DRAM1: variants seen among roughly 807,000 people sequenced by gnomAD.
DRAM1 encodes the protein DNA damage regulated autophagy modulator 1.
DRAM1 carries 25 observed loss-of-function variants against 28.5 expected under a neutral mutation model. The ratio of observed to expected loss-of-function variants is 0.88; its 90% CI spans 0.64 to 1.23. The LOEUF (loss-of-function observed/expected upper bound fraction) is 1.23, where lower values mean the gene tolerates loss of function less well. DRAM1 is among the 50% of genes most tolerant of loss of function. The pLI is 0.00. For missense variants in DRAM1, 249 were observed against 299.2 expected, an observed-to-expected ratio of 0.83 and a Z score of 1.24; for synonymous variants, 113 against 114.2, an observed-to-expected ratio of 0.99 and a Z score of 0.07.
At chr12:101,882,905 G>T (rs1872741073) in intron 1 of DRAM1, among the ~76,000 whole-genome samples, 1 of 133,772 alleles carries the variant, frequency 7.5e-6, no homozygotes, top group Admixed American at 8.6e-5. Context: ...TGGCATTTCT[G>T]CAGAGTTACT....
intron 1 of DRAM1, among the ~76,000 whole-genome samples, chr12:101,890,584 C>G (rs1873079530): frequency 2.0e-5 from 3 of 152,226 alleles, no homozygotes; most frequent in Admixed American, 2.0e-4. Flanking sequence ...TCAAAACATC[C>G]TTTAAAAACA....
rs199653726 is a variant in DRAM1, at chr12:101,877,901, C to G, written c.112C>G (p.Pro38Ala). The change falls in exon 1 of 7, where the codon CCC becomes GCC. Residue 38 changes from proline to alanine, a missense_variant. Transcript: ENST00000258534. The surrounding 1 kb of genome is among the most constrained non-coding windows in gnomAD (Gnocchi z 4.1). ...CGCCGTGCTCTCCGGGCACGTCAAC[C>G]CCTTCCTCCCGTATATCAGGTGAGT... ...VVAVLSGHVN[P>A]FLPYISDTGT... is the part of the protein sequence containing the mutation. The G allele has an allele frequency of 6.5e-7, 1 of 1,538,480 alleles. No individual in the cohort carries two copies. Among genetic ancestry groups the G allele is most frequent in the Non-Finnish European group, 8.8e-7 (1 of 1,139,214 alleles).
In DRAM1 at chr12:101,912,532, C is replaced by T. The variant is rs60138017; in HGVS notation, c.521-1642C>T. Among the ~76,000 whole-genome samples the T allele has an allele frequency of 0.019, 2,962 of 152,160 alleles. 228 individuals are homozygous for T. In the East Asian group the frequency reaches 0.24, roughly 12 times the overall value. On this transcript the variant is annotated intron_variant, in intron 4 of 6. Transcript: ENST00000258534. ...GAAGATGGAGCTAAGAATAAATAAA[C>T]GAAATAATTAAGAGGCTTTTAAACT... is the stretch of plus-strand genomic sequence containing the variant.
At chr12:101,894,268 C>T (rs146947450) in intron 1 of DRAM1, among the ~76,000 whole-genome samples, 9 of 152,238 alleles carry the variant, frequency 5.9e-5, no homozygotes, top group African/African-American at 1.9e-4. Context: ...CAGGCATGCA[C>T]CACTATGCCT....
chr12:101,911,823 G>T (rs1294956453), intron 4 of DRAM1, among the ~76,000 whole-genome samples: 2 of 152,212 alleles, frequency 1.3e-5, no homozygotes, highest in East Asian at 3.9e-4. Context: ...GATGTATGTT[G>T]TTTATCAATA....
chr12:101,892,821 A>G (rs1458389155), intron 1 of DRAM1, among the ~76,000 whole-genome samples: 1 of 152,218 alleles, frequency 6.6e-6, no homozygotes, highest in Non-Finnish European at 1.5e-5. Context: ...TAGATTTGGG[A>G]ATTTGTGACT....
intron 3 of DRAM1, among the ~76,000 whole-genome samples, chr12:101,905,769 A>ATTTATTTATTTG (rs1873780054): frequency 6.7e-6 from 1 of 149,170 alleles, no homozygotes; most frequent in Admixed American, 6.7e-5. Context: ...TTATTTATTT[A>ATTTATTTATTTG]TTTATTTATT....
intron 1 of DRAM1, among the ~76,000 whole-genome samples, chr12:101,897,139 AAAT>A (rs1873407230): frequency 6.6e-6 from 1 of 152,104 alleles, no homozygotes; most frequent in Non-Finnish European, 1.5e-5. Flanking sequence ...AATTATTAGA[AAAT>A]AAAGTGATGT....
At chr12:101,906,097 T>C (rs923954926) in intron 3 of DRAM1, among the ~76,000 whole-genome samples, 5 of 152,186 alleles carry the variant, frequency 3.3e-5, no homozygotes, top group Non-Finnish European at 7.3e-5. Flanking sequence ...CCATGCAAGG[T>C]ATCTTAGGTA....
At chr12:101,893,636 T>G (rs543715182) in intron 1 of DRAM1, among the ~76,000 whole-genome samples, 142 of 152,304 alleles carry the variant, frequency 9.3e-4, no homozygotes, top group East Asian at 7.7e-4. Context: ...ATACCCAATT[T>G]CCTACTTTGT....
chr12:101,882,311 C>T (rs1391027430), intron 1 of DRAM1, among the ~76,000 whole-genome samples: 2 of 150,608 alleles, frequency 1.3e-5, no homozygotes, highest in Non-Finnish European at 2.9e-5. Context: ...GGGGTTTCAC[C>T]ATGTTAGTCA....
intron 1 of DRAM1, among the ~76,000 whole-genome samples, chr12:101,882,084 T>C (rs1268824741): frequency 6.6e-6 from 1 of 151,782 alleles, no homozygotes; most frequent in East Asian, 1.9e-4. Context: ...ATTCTAACAT[T>C]GTTCAGTCAT....
rs188012763 is a variant in DRAM1 at position 101,915,709 on chromosome 12, G to A, written c.579+1477G>A. 3.0e-3 allele frequency among the ~76,000 whole-genome samples: 451 copies of A among 151,894 alleles called. 16 individuals carry two copies. Among genetic ancestry groups the A allele is most frequent in the Admixed American group, 0.029 (437 of 15,226 alleles). ...AGGCACTAGCTGGGATTACAGGCGT[G>A]CACCACCATGCCCAGCTAGTTTTTG... is the stretch of plus-strand genomic sequence containing the variant. On this transcript the variant is annotated intron_variant, in intron 5 of 6. Transcript: ENST00000258534.
chr12:101,917,252 A>C (rs1874280773), intron 5 of DRAM1, among the ~76,000 whole-genome samples: 1 of 152,208 alleles, frequency 6.6e-6, no homozygotes, highest in African/African-American at 2.4e-5. Context: ...TGGAGGTAAG[A>C]GGTAAAGGAG....
At chr12:101,909,885 A>G (rs983500723) in intron 4 of DRAM1, among the ~76,000 whole-genome samples, 1 of 152,236 alleles carries the variant, frequency 6.6e-6, no homozygotes, top group South Asian at 2.1e-4. Flanking sequence ...CATATCAGAG[A>G]AAGCTTCAGG....
chr12:101,882,107 A>ATTTTTTTTTTTT (rs78402038), intron 1 of DRAM1, among the ~76,000 whole-genome samples: 6 of 129,530 alleles, frequency 4.6e-5, no homozygotes, highest in Non-Finnish European at 8.4e-5. Flanking sequence ...TGATGGTCTA[A>ATTTTTTTTTTTT]TTTTTTTTTT....
intron 1 of DRAM1, among the ~76,000 whole-genome samples, chr12:101,881,912 G>A (rs914602302): frequency 1.5e-4 from 23 of 152,192 alleles, no homozygotes; most frequent in African/African-American, 5.5e-4. Context: ...GTCCATGAAA[G>A]CTCTCAATAT....
Position 101,877,756 on chromosome 12 carries a change from G to A in DRAM1, c.-34G>A, listed in dbSNP as rs1463179205. ...AGCAACCCGGCGCCCGGCCCCGCTG[G>A]GCGCAGCACTCCGTCGGCGGCGGCG... is the stretch of plus-strand genomic sequence containing the variant. On this transcript the variant is annotated 5_prime_UTR_variant, in exon 1 of 7. Transcript: ENST00000258534. This position sits in a 1 kb window ranked among gnomAD's most constrained non-coding sequence, Gnocchi z 4.1. 7.0e-7 allele frequency: 1 copy of A among 1,432,082 alleles called. No individual in the cohort carries two copies. The highest frequency in any genetic ancestry group is 9.2e-7 in the Non-Finnish European group (1 of 1,086,776). The allele number at this position is 1,432,082 out of a possible 1,614,324, so 88.7% of individuals were successfully genotyped here.
Position 101,922,609 on chromosome 12 carries a change from C to T in DRAM1, c.*1349C>T, listed in dbSNP as rs1874525317. The T allele has an allele frequency of 6.6e-6, 1 of 152,194 alleles. No individual in the cohort carries two copies. Among genetic ancestry groups the T allele is most frequent in the Non-Finnish European group, 1.5e-5 (1 of 68,050 alleles). The allele number at this position is 152,194 out of a possible 1,614,324, so 9.4% of individuals were successfully genotyped here. A position where few individuals can be genotyped will look rare whatever the true frequency, so the allele number is the denominator to read the frequency against. On this transcript the variant is annotated 3_prime_UTR_variant, in exon 7 of 7. Transcript: ENST00000258534. ...CCTCTGCAATGACAAGCTGCCTCCC[C>T]TCTATGTGTTTAGCATATGTTATTA...
Sources: gnomAD v4.1 joint callset for allele counts (sites outside exome capture counted in the v4.1 genomes callset) on GRCh38, gnomAD v4.1.1 for gene constraint, Gnocchi (gnomAD v3.1) non-coding constraint, MANE v1.5 for transcripts, NCBI Gene and HGNC (gene_info 2026-07-23, HGNC 2026-07-21) for gene names.